MYOM1: variants seen among roughly 807,000 people sequenced by gnomAD.
MYOM1 encodes myomesin-1.
In MYOM1, 164 loss-of-function variants were observed where a neutral mutation model predicts 205.3. The ratio of observed to expected loss-of-function variants is 0.80; its 90% CI spans 0.70 to 0.91. MYOM1 has a LOEUF of 0.91. Among genes scored for constraint, MYOM1 ranks in the 40% least tolerant of loss-of-function variants. The pLI is 0.00. For missense variants in MYOM1, 2,011 were observed against 2,127.3 expected (o/e 0.95, Z 1.08); for synonymous variants, 772 against 789.4 (o/e 0.98, Z 0.37).
rs747010434 is a variant in MYOM1 at position 3,135,780 on chromosome 18, G to A, written c.2026-50C>T. 9.4e-6 allele frequency: 15 copies of A among 1,601,054 alleles called. No individual in the cohort carries two copies. The highest frequency in any genetic ancestry group is 8.5e-7 in the Non-Finnish European group (1 of 1,171,438). ...TTGAAAGCACAGCAAACACAAGCGA[G>A]AATCCAGGCCAGGCAACTCCAAGTT... On this transcript the variant is annotated intron_variant, in intron 14 of 37. Transcript: ENST00000356443. This position sits in a 1 kb window ranked among gnomAD's most constrained non-coding sequence, Gnocchi z 4.1.
At position 3,215,032 on chromosome 18, in the gene MYOM1, C is replaced by T. The variant is rs9964300; in HGVS notation, c.192G>A (p.Ala64=). 3.1e-6 allele frequency: 5 copies of T among 1,612,318 alleles called. No individual in the cohort carries two copies. Among genetic ancestry groups the T allele is most frequent in the African/African-American group, 2.7e-5 (2 of 74,880 alleles). The change falls in exon 2 of 38, where the codon GCG becomes GCA. Residue 64 remains alanine, a synonymous_variant. Transcript: ENST00000356443. Reference sequence around the variant, plus strand: ...CCTGCTGCTGGGAGGAGGAGGCGGACGCCCGACGGAAGGCCTCGGACTCCC... The same window carrying T: ...CCTGCTGCTGGGAGGAGGAGGCGGATGCCCGACGGAAGGCCTCGGACTCCC... ...HRRESEAFRR[A]SASSSQQQAS...
Position 3,083,832 on chromosome 18 carries a change from C to A in MYOM1, c.4441G>T (p.Val1481Leu), listed in dbSNP as rs777247117. 3.2e-6 allele frequency: 5 copies of A among 1,581,808 alleles called. No individual in the cohort carries two copies. The highest frequency in any genetic ancestry group is 2.3e-5 in the East Asian group (1 of 43,850). Reference protein sequence around the residue: ...TAEGIQLYSFVTYYVEDLKVN... With the variant: ...TAEGIQLYSFLTYYVEDLKVN... ...TTCAAATCCTCCACATAGTAAGTTA[C>A]AAAAGAGTACAGTTGGATGCCCTCG... Residue 1481 changes from valine (V) to leucine (L), a missense_variant, in exon 33 of 38, where the codon GTA (valine) becomes TTA (leucine). Physicochemically the swap from Val to Leu is conservative, Grantham distance 32. Coordinates refer to ENST00000356443, the MANE Select transcript of MYOM1 (RefSeq NM_003803.4).
chr18:3,183,688 A>G (rs780306761), intron 5 of MYOM1, among the ~76,000 whole-genome samples: 1 of 152,190 alleles, frequency 6.6e-6, no homozygotes, highest in Non-Finnish European at 1.5e-5. Context: ...GGCATTCTCA[A>G]TATTCCCTTT....
At chr18:3,240,796 T>C in the MYOM1 span, among the ~76,000 whole-genome samples, 5 of 152,326 alleles carry the variant, frequency 3.3e-5, no homozygotes, top group East Asian at 9.6e-4. Context: ...ACTAGTTGAA[T>C]GGCTTTGCCC....
At chr18:3,207,881 T>C (rs1044472569) in intron 2 of MYOM1, among the ~76,000 whole-genome samples, 2 of 152,238 alleles carry the variant, frequency 1.3e-5, no homozygotes, top group Non-Finnish European at 2.9e-5. Context: ...ATTCTGGGTA[T>C]ATCTGGTGCC....
chr18:3,235,220 G>C, the MYOM1 span, among the ~76,000 whole-genome samples: 1 of 151,872 alleles, frequency 6.6e-6, no homozygotes, highest in Non-Finnish European at 1.5e-5. Flanking sequence ...TTGGGTTAAG[G>C]CCTCAGTACT....
intron 13 of MYOM1, among the ~76,000 whole-genome samples, chr18:3,145,829 T>C (rs2080114640): frequency 6.6e-6 from 1 of 151,944 alleles, no homozygotes; most frequent in Non-Finnish European, 1.5e-5. Flanking sequence ...AGAAAATCAA[T>C]GAAACCAAAA....
In MYOM1 at chr18:3,219,672, T is replaced by G. The variant is rs541202103; in HGVS notation, c.-29+131A>C. On this transcript the variant is annotated intron_variant, in intron 1 of 37. Transcript: ENST00000356443. This position sits in a 1 kb window ranked among gnomAD's most constrained non-coding sequence, Gnocchi z 4.4. ...CCCTCCCTGGAGCTTCACTTTCCTA[T>G]TTCTCTGTTATTCTGACATCTCTTT... 6.6e-6 allele frequency: 1 copy of G among 152,236 alleles called. No individual in the cohort carries two copies. Among genetic ancestry groups the G allele is most frequent in the Non-Finnish European group, 1.5e-5 (1 of 68,046 alleles). The allele number at this position is 152,236 out of a possible 1,614,324, so 9.4% of individuals were successfully genotyped here. A position where few individuals can be genotyped will look rare whatever the true frequency, so the allele number is the denominator to read the frequency against.
rs768038869 is a variant in MYOM1, at chr18:3,129,404, C to T, written c.2622G>A (p.Leu874=). ...ASPPTFQKDA[L]LGSKPNKPSL... ...AAGGTTTGTTAGGTTTGCTGCCAAG[C>T]AAAGCATCTTTCTGGAAGGTTGGCG... The change falls in exon 18 of 38, where the codon TTG becomes TTA. Residue 874 remains leucine, a synonymous_variant. Coordinates refer to ENST00000356443, the MANE Select transcript of MYOM1 (RefSeq NM_003803.4). 2.5e-6 allele frequency: 4 copies of T among 1,613,992 alleles called. No individual in the cohort carries two copies. The highest frequency in any genetic ancestry group is 3.4e-6 in the Non-Finnish European group (4 of 1,179,898).
At position 3,179,893 on chromosome 18, in the gene MYOM1, C is replaced by T. The variant is rs1416307136; in HGVS notation, c.930-3759G>A. On this transcript the variant is annotated intron_variant, in intron 5 of 37. Coordinates refer to ENST00000356443, the MANE Select transcript of MYOM1 (RefSeq NM_003803.4). This position sits in a 1 kb window ranked among gnomAD's most constrained non-coding sequence, Gnocchi z 4.4. ...GGTTCCTCTTTGCCTAAGAAAAGCGCTGTGATACCAACGGCTGTGACATGT... is the reference window on the plus strand; with the variant it reads ...GGTTCCTCTTTGCCTAAGAAAAGCGTTGTGATACCAACGGCTGTGACATGT... Among the ~76,000 whole-genome samples the T allele has an allele frequency of 6.6e-6, 1 of 152,172 alleles. No individual in the cohort carries two copies. Among genetic ancestry groups the T allele is most frequent in the African/African-American group, 2.4e-5 (1 of 41,436 alleles).
chr18:3,126,469 A>G (rs2079785053), intron 19 of MYOM1, among the ~76,000 whole-genome samples: 1 of 152,150 alleles, frequency 6.6e-6, no homozygotes, highest in Non-Finnish European at 1.5e-5. Flanking sequence ...TAAATATTCT[A>G]GGAATTTATT....
At chr18:3,070,936 T>C (rs1567888588) in intron 37 of MYOM1, among the ~76,000 whole-genome samples, 1 of 151,950 alleles carries the variant, frequency 6.6e-6, no homozygotes, top group African/African-American at 2.4e-5. Context: ...ATTTTGTATT[T>C]TTTGTAGAGA....
intron 18 of MYOM1, among the ~76,000 whole-genome samples, chr18:3,127,228 T>G (rs57904261): frequency 0.19 from 27,297 of 145,166 alleles, 2,966 homozygotes; most frequent in East Asian, 0.32. Flanking sequence ...TGTTCCCTGA[T>G]GAAAATGGAA....
intron 13 of MYOM1, among the ~76,000 whole-genome samples, chr18:3,148,407 G>C (rs2080160627): frequency 6.6e-6 from 1 of 152,150 alleles, no homozygotes; most frequent in Admixed American, 6.5e-5. Context: ...AAATGAACAT[G>C]ATTCAACTGA....
chr18:3,215,016 G>A lies in MYOM1; in HGVS notation c.208C>T (p.Gln70Ter), dbSNP rs2081243760. ...AGGGCGTGCTGCGAGGCCTGCTGCTGGGAGGAGGAGGCGGACGCCCGACGG... is the reference window on the plus strand; with the variant it reads ...AGGGCGTGCTGCGAGGCCTGCTGCTAGGAGGAGGAGGCGGACGCCCGACGG... ...AFRRASASSS[Q>*]QQASQHALSS... The change falls in exon 2 of 38, where the codon CAG becomes TAG. Residue 70 changes from glutamine (Q) to a stop codon, truncating the protein, a stop_gained. Transcript: ENST00000356443. LOFTEE classifies it high-confidence loss of function. The A allele has an allele frequency of 6.2e-7, 1 of 1,612,376 alleles. No individual in the cohort carries two copies.
At chr18:3,148,618 C>T (rs943411579) in intron 13 of MYOM1, among the ~76,000 whole-genome samples, 7 of 151,878 alleles carry the variant, frequency 4.6e-5, no homozygotes, top group African/African-American at 1.5e-4. Flanking sequence ...GAGGCCGAGA[C>T]GGGCGGATCA....
At chr18:3,225,555 T>C in the MYOM1 span, among the ~76,000 whole-genome samples, 1 of 152,100 alleles carries the variant, frequency 6.6e-6, no homozygotes, top group Non-Finnish European at 1.5e-5. Flanking sequence ...GGAGGAGTGA[T>C]CTTGGCCTCT....
chr18:3,187,765 G>T (rs931566191), intron 4 of MYOM1, 128 bp from the exon 5 acceptor site: 10 of 799,410 alleles, frequency 1.3e-5, no homozygotes, highest in African/African-American at 1.2e-4. Flanking sequence ...ATTTTTTGTA[G>T]AGAAAATGCA....
Position 3,129,511 on chromosome 18 carries a change from C to A in MYOM1, c.2515G>T (p.Val839Leu), listed in dbSNP as rs766698339. 3.1e-6 allele frequency: 5 copies of A among 1,609,026 alleles called. No homozygotes were observed. Among genetic ancestry groups the A allele is most frequent in the Non-Finnish European group, 4.2e-6 (5 of 1,176,766 alleles). The change falls in exon 18 of 38, where the codon GTG becomes TTG. Residue 839 changes from valine (V) to leucine (L), a missense_variant. Physicochemically the swap from Val to Leu is conservative, Grantham distance 32. Coordinates refer to ENST00000356443, the MANE Select transcript of MYOM1 (RefSeq NM_003803.4). Reference protein sequence around the residue: ...IEVKAAIGGGVSPDVCPALSD... With the variant: ...IEVKAAIGGGLSPDVCPALSD... ...AGTGCGGGACACACATCTGGAGACA[C>A]TCCTCCCCCTACAGTTGCCAGACAA...
Sources: allele counts gnomAD v4.1 joint callset (sites outside exome capture counted in the v4.1 genomes callset), GRCh38; gene constraint gnomAD v4.1.1; non-coding constraint Gnocchi (gnomAD v3.1); transcripts MANE v1.5; gene names NCBI Gene and HGNC (gene_info 2026-07-23, HGNC 2026-07-21).